PTN: variants seen among roughly 807,000 people sequenced by gnomAD.
PTN encodes the protein heparin affin regulatory protein.
A neutral mutation model predicts 24.1 loss-of-function variants in PTN; 18 were observed. That is an observed-to-expected ratio of 0.75 (90% CI 0.52 to 1.11). The LOEUF (loss-of-function observed/expected upper bound fraction) is 1.11. PTN is among the 50% of genes least tolerant of loss of function. The probability of loss-of-function intolerance (pLI) is 0.00; values close to 1 mark genes in which losing one functional copy is unlikely to be tolerated. For synonymous variants in PTN, 78 were observed against 68.6 expected, an observed-to-expected ratio of 1.14 and a Z score of -0.67; for missense variants, 163 against 198.8, an observed-to-expected ratio of 0.82 and a Z score of 1.08.
Position 137,265,172 on chromosome 7 carries a change from T to A in PTN, c.-1-10198A>T, listed in dbSNP as rs908325904. Among the ~76,000 whole-genome samples, 5 of 152,316 alleles carry A rather than the reference T, an allele frequency of 3.3e-5. No homozygotes were observed. The South Asian group carries it at 6.2e-4, about 19-fold the overall frequency. On this transcript the variant is annotated intron_variant, in intron 1 of 4. Transcript: ENST00000348225. ...TATTGAATTAAATCCTGTAGCTATT[T>A]GATTTCAAGCTTTAAATTGATCTGT...
intron 4 of PTN, among the ~76,000 whole-genome samples, chr7:137,245,267 G>A (rs1337598701): frequency 1.3e-5 from 2 of 152,180 alleles, no homozygotes; most frequent in Non-Finnish European, 2.9e-5. Context: ...ACTTTCTGAC[G>A]AAGAGCTGAG....
At chr7:137,252,882 C>T (rs1027886575) in intron 3 of PTN, among the ~76,000 whole-genome samples, 4 of 149,022 alleles carry the variant, frequency 2.7e-5, no homozygotes, top group African/African-American at 5.2e-5. Context: ...ATTTATGAAA[C>T]GTGGCTGTGA....
chr7:137,284,390 T>G (rs2128876473), intron 1 of PTN, among the ~76,000 whole-genome samples: 1 of 152,130 alleles, frequency 6.6e-6, no homozygotes, highest in East Asian at 1.9e-4. Flanking sequence ...CTTTCTTTTT[T>G]TCTAACTTTC....
At chr7:137,249,447 T>A (rs541835156) in intron 4 of PTN, among the ~76,000 whole-genome samples, 3 of 152,196 alleles carry the variant, frequency 2.0e-5, no homozygotes, top group Non-Finnish European at 4.4e-5. Flanking sequence ...GGTTAGTCTG[T>A]GCTATACTTG....
At chr7:137,238,333 T>G (rs1297839058) in intron 4 of PTN, among the ~76,000 whole-genome samples, 3 of 152,148 alleles carry the variant, frequency 2.0e-5, no homozygotes, top group Non-Finnish European at 4.4e-5. Flanking sequence ...AGCTCTGGGT[T>G]AACAAGTCAC....
intron 1 of PTN, among the ~76,000 whole-genome samples, chr7:137,306,716 G>C (rs758586234): frequency 6.6e-6 from 1 of 152,080 alleles, no homozygotes; most frequent in African/African-American, 2.4e-5. Flanking sequence ...CTCCTTGCTA[G>C]AATTTATCTT....
At chr7:137,328,145 T>C (rs1810292268) in intron 1 of PTN, among the ~76,000 whole-genome samples, 1 of 152,232 alleles carries the variant, frequency 6.6e-6, no homozygotes, top group Non-Finnish European at 1.5e-5. Context: ...TGCTGCCAGA[T>C]TAAAGACCCT....
chr7:137,245,385 T>C (rs1808705547), intron 4 of PTN, among the ~76,000 whole-genome samples: 1 of 152,204 alleles, frequency 6.6e-6, no homozygotes, highest in African/African-American at 2.4e-5. Context: ...AGCTGAGGAA[T>C]TCCTATCACT....
chr7:137,240,486 G>C (rs1808610091), intron 4 of PTN, among the ~76,000 whole-genome samples: 2 of 152,172 alleles, frequency 1.3e-5, no homozygotes, highest in Admixed American at 1.3e-4. Flanking sequence ...GTGCTAACTA[G>C]AGCACATAGC....
chr7:137,324,859 GA>G (rs1485170422), intron 1 of PTN: 3 of 152,136 alleles, frequency 2.0e-5, no homozygotes, highest in Admixed American at 6.6e-5. Flanking sequence ...TGAGATATAG[GA>G]AGGCAATTTG....
In PTN at chr7:137,251,282, C is replaced by T. The variant is rs1285986739; in HGVS notation, c.399G>A (p.Lys133=). The change falls in exon 4 of 5, where the codon AAG becomes AAA. Residue 133 remains lysine, a synonymous_variant. Transcript: ENST00000348225. Reference sequence around the variant, plus strand: ...CACAGGGCTTGGAGATGGTGACAGTCTTCTGGCATTCGGCATTGTGCAGGG... The same window carrying T: ...CACAGGGCTTGGAGATGGTGACAGTTTTCTGGCATTCGGCATTGTGCAGGG... ...KRALHNAECQ[K]TVTISKPCGK... is the part of the protein sequence containing the mutation. 4 of 1,614,136 alleles carry T rather than the reference C, an allele frequency of 2.5e-6. No individual in the cohort carries two copies. Among genetic ancestry groups the T allele is most frequent in the Non-Finnish European group, 3.4e-6 (4 of 1,180,022 alleles).
chr7:137,262,374 A>G (rs1809055879), intron 1 of PTN, among the ~76,000 whole-genome samples: 1 of 152,060 alleles, frequency 6.6e-6, no homozygotes, highest in African/African-American at 2.4e-5. Context: ...TTTCTAAAAT[A>G]GATTTCTTAT....
intron 1 of PTN, among the ~76,000 whole-genome samples, chr7:137,308,546 G>A (rs886929748): frequency 6.6e-6 from 1 of 152,088 alleles, no homozygotes; most frequent in Non-Finnish European, 1.5e-5. Flanking sequence ...GCTGCTATTG[G>A]GTGTTGGGGT....
At chr7:137,241,666 A>G (rs1808630180) in intron 4 of PTN, among the ~76,000 whole-genome samples, 2 of 152,216 alleles carry the variant, frequency 1.3e-5, no homozygotes, top group Non-Finnish European at 2.9e-5. Flanking sequence ...AGAAAAGGAT[A>G]GAGTTAGATC....
intron 1 of PTN, among the ~76,000 whole-genome samples, chr7:137,278,294 G>A (rs369656351): frequency 3.0e-5 from 3 of 98,866 alleles, no homozygotes; most frequent in East Asian, 6.0e-4. Flanking sequence ...GCGACAGAGC[G>A]AGACTCCGTC....
chr7:137,315,546 G>T (rs528702080), intron 1 of PTN, among the ~76,000 whole-genome samples: 1 of 152,144 alleles, frequency 6.6e-6, no homozygotes, highest in Non-Finnish European at 1.5e-5. Context: ...CAGTTCTCTC[G>T]TGGGCAAGTT....
At chr7:137,280,247 G>A (rs1304760030) in intron 1 of PTN, among the ~76,000 whole-genome samples, 1 of 152,114 alleles carries the variant, frequency 6.6e-6, no homozygotes, top group South Asian at 2.1e-4. Flanking sequence ...TAAAGTTAAG[G>A]AAAGGTAGTA....
chr7:137,235,912 A>G (rs1246296825), intron 4 of PTN, among the ~76,000 whole-genome samples: 1 of 152,144 alleles, frequency 6.6e-6, no homozygotes, highest in African/African-American at 2.4e-5. Flanking sequence ...CTAGATGCAG[A>G]CTAAACACAT....
rs145341419 is a variant in PTN at position 137,319,035 on chromosome 7, T to C, written c.-2+24404A>G. 1.3e-4 allele frequency among the ~76,000 whole-genome samples: 20 copies of C among 152,324 alleles called. No individual in the cohort carries two copies. In the East Asian group the frequency reaches 3.9e-3, roughly 29 times the overall value. ...TTTCTGATCCATCTATCTTTCTCTC[T>C]ACTTTTGTCCACCACTCTCTACTTT... On this transcript the variant is annotated intron_variant, in intron 1 of 4. Transcript: ENST00000348225.
Sources: gnomAD v4.1 joint callset for allele counts (sites outside exome capture counted in the v4.1 genomes callset) on GRCh38, gnomAD v4.1.1 for gene constraint, MANE v1.5 for transcripts, NCBI Gene and HGNC (gene_info 2026-07-23, HGNC 2026-07-21) for gene names.